The following REXO2 variants were observed in gnomAD, a reference collection of about 807,000 sequenced individuals.
The protein encoded by REXO2 is RNA exonuclease 2.
REXO2 carries 17 observed loss-of-function variants against 30.9 expected under a neutral mutation model. The ratio of observed to expected loss-of-function variants is 0.55; its 90% CI spans 0.38 to 0.82. The LOEUF (loss-of-function observed/expected upper bound fraction) is 0.82. Ranked by LOEUF, REXO2 falls within the 40% of genes least tolerant of loss-of-function variation. The pLI is 0.00. For missense variants in REXO2, 253 were observed against 293.2 expected, an observed-to-expected ratio of 0.86 and a Z score of 1.00; for synonymous variants, 105 against 99.6, an observed-to-expected ratio of 1.05 and a Z score of -0.32.
At chr11:114,444,003 T>C in intron 3 of REXO2, 70 bp downstream of exon 3, 1 of 1,016,816 alleles carries the variant, frequency 9.8e-7, no homozygotes, top group South Asian at 1.4e-5. Flanking sequence ...CACACCTGAA[T>C]CCGATACCAT....
chr11:114,443,929 G>A lies in REXO2; in HGVS notation c.305G>A (p.Gly102Glu). 1 of 1,604,462 alleles carries A rather than the reference G, an allele frequency of 6.2e-7. No individual in the cohort carries two copies. ...TCAGATTGGTGTAAGGAGCATCACG[G>A]GAAGGTAACATTACCAAATAACAGG... ...SMSDWCKEHH[G>E]KSGLTKAVKE... Residue 102 changes from glycine (G) to glutamate (E), a missense_variant, in exon 3 of 7, where the codon GGG (glycine) becomes GAG (glutamate). Physicochemically the swap from Gly to Glu is moderately conservative, Grantham distance 98 (BLOSUM62 -2). Transcript: ENST00000265881.
intron 2 of REXO2, 80 bp from the exon 3 acceptor site, chr11:114,443,776 T>G (rs762762984): frequency 2.1e-5 from 22 of 1,039,012 alleles, no homozygotes; most frequent in Non-Finnish European, 3.2e-5. Context: ...ATTTAGTCCT[T>G]AAAACAGCTT....
At chr11:114,440,298 A>C (rs935362589) in intron 1 of REXO2, among the ~76,000 whole-genome samples, 1 of 152,194 alleles carries the variant, frequency 6.6e-6, no homozygotes, top group Non-Finnish European at 1.5e-5. Flanking sequence ...TAGATTGTGA[A>C]GGTCCAGTGG....
chr11:114,446,223 T>C (rs1263013141), intron 5 of REXO2, 136 bp downstream of exon 5: 2 of 537,300 alleles, frequency 3.7e-6, no homozygotes, highest in Non-Finnish European at 6.6e-6. Flanking sequence ...CCATTCTTGC[T>C]TGTATAGGAC....
chr11:114,441,902 A>G, intron 2 of REXO2: 1 of 596,610 alleles, frequency 1.7e-6, no homozygotes. Flanking sequence ...TGAGTTTTAG[A>G]TTTGGTTGTT....
chr11:114,448,705 C>A (rs1344457459), intron 6 of REXO2, among the ~76,000 whole-genome samples: 1 of 152,166 alleles, frequency 6.6e-6, no homozygotes, highest in African/African-American at 2.4e-5. Flanking sequence ...TGAGAAGCAG[C>A]CCATAATAAA....
rs1591211114 is a variant in REXO2, at chr11:114,443,946, A to G, written c.309+13A>G. The G allele has an allele frequency of 6.9e-6, 11 of 1,588,166 alleles. No individual in the cohort carries two copies. The highest frequency in any genetic ancestry group is 1.3e-5 in the African/African-American group (1 of 74,534). ...GCATCACGGGAAGGTAACATTACCA[A>G]ATAACAGGATTGCTGCTTTGGGGAT... On this transcript the variant is annotated intron_variant, in intron 3 of 6. Transcript: ENST00000265881.
rs539152554 is a variant in REXO2 at position 114,446,933 on chromosome 11, CTTTTTT to C, written c.530+864_530+869del. On this transcript the variant is annotated intron_variant, in intron 5 of 6. Coordinates refer to ENST00000265881, the MANE Select transcript of REXO2 (RefSeq NM_015523.4). ...AAGTGGTAGAAAGATAGAAAGGAGG[CTTTTTT>C]TTTTTTTTTTTTTTTTTGAGACGGA... Among the ~76,000 whole-genome samples the C allele has an allele frequency of 6.5e-4, 61 of 94,376 alleles. 1 individual carries two copies. The highest frequency in any genetic ancestry group is 2.4e-3 in the African/African-American group (55 of 23,070). 61.9% of individuals were successfully genotyped at this position (94,376 alleles called of 152,430 possible). A position where few individuals can be genotyped will look rare whatever the true frequency, so the allele number is the denominator to read the frequency against.
intron 2 of REXO2, among the ~76,000 whole-genome samples, chr11:114,441,485 C>T (rs1565270144): frequency 6.6e-6 from 1 of 152,202 alleles, no homozygotes; most frequent in African/African-American, 2.4e-5. Context: ...ACACCTGCTG[C>T]ATTTCAGCCA....
At chr11:114,448,419 G>C (rs1946524657) in intron 6 of REXO2, among the ~76,000 whole-genome samples, 1 of 152,174 alleles carries the variant, frequency 6.6e-6, no homozygotes. Flanking sequence ...AGGTTTAGCA[G>C]CTGGCTTCTA....
At position 114,443,846 on chromosome 11, in the gene REXO2, C is replaced by A. The variant is rs764928376; in HGVS notation, c.232-10C>A. On this transcript the variant is annotated splice_polypyrimidine_tract_variant and intron_variant, in intron 2 of 6. Coordinates refer to ENST00000265881, the MANE Select transcript of REXO2 (RefSeq NM_015523.4). ...GTTTCTTGGTGACTGATGGCGTTTC[C>A]CATCCACAGGGTCCTAACCTGATTA... The A allele has an allele frequency of 1.3e-6, 2 of 1,599,040 alleles. No individual in the cohort carries two copies. The highest frequency in any genetic ancestry group is 4.5e-5 in the East Asian group (2 of 44,710).
At chr11:114,441,572 T>C (rs753663923) in intron 2 of REXO2, among the ~76,000 whole-genome samples, 1 of 152,226 alleles carries the variant, frequency 6.6e-6, no homozygotes, top group Non-Finnish European at 1.5e-5. Context: ...TTCTGTTTTA[T>C]ACTGTCAGCA....
intron 1 of REXO2, 114 bp downstream of exon 1, chr11:114,439,789 T>A: frequency 7.6e-7 from 1 of 1,319,360 alleles, no homozygotes; most frequent in South Asian, 1.5e-5. Flanking sequence ...GTGTGGCAGG[T>A]GAGCGCGGCC....
chr11:114,439,845 G>A, intron 1 of REXO2, 170 bp downstream of exon 1: 1 of 754,010 alleles, frequency 1.3e-6, no homozygotes, highest in East Asian at 2.9e-5. Context: ...AGTCCTGCGG[G>A]TGTTGGGCGC....
Position 114,449,747 on chromosome 11 carries a change from T to C in REXO2, c.585-99T>C, listed in dbSNP as rs1413573389. On this transcript the variant is annotated intron_variant, in intron 6 of 6. Coordinates refer to ENST00000265881, the MANE Select transcript of REXO2 (RefSeq NM_015523.4). ...CTAGACAGTGACACTTACAGTAACA[T>C]CCATTGTTCTTAAGTCGTTTTTTAA... The C allele has an allele frequency of 3.4e-6, 4 of 1,173,056 alleles. No individual in the cohort carries two copies. The East Asian group carries it at 7.7e-5, about 23-fold the overall frequency. The allele number at this position is 1,173,056 out of a possible 1,614,324, so 72.7% of individuals were successfully genotyped here.
At chr11:114,443,290 T>C (rs1946491739) in intron 2 of REXO2, among the ~76,000 whole-genome samples, 1 of 151,284 alleles carries the variant, frequency 6.6e-6, no homozygotes, top group African/African-American at 2.4e-5. Flanking sequence ...TTTTTTTTTT[T>C]TTAATTTTGT....
Position 114,443,943 on chromosome 11 carries a change from C to T in REXO2, c.309+10C>T. The T allele has an allele frequency of 6.3e-7, 1 of 1,591,390 alleles. No individual in the cohort carries two copies. Reference sequence around the variant, plus strand: ...GGAGCATCACGGGAAGGTAACATTACCAAATAACAGGATTGCTGCTTTGGG... The same window carrying T: ...GGAGCATCACGGGAAGGTAACATTATCAAATAACAGGATTGCTGCTTTGGG... On this transcript the variant is annotated intron_variant, in intron 3 of 6. Coordinates refer to ENST00000265881, the MANE Select transcript of REXO2 (RefSeq NM_015523.4).
Position 114,439,543 on chromosome 11 carries a change from C to T in REXO2, c.15C>T (p.Ser5=). MLGG[S]LGSRLLRGVG... Reference sequence around the variant, plus strand: ...GGTCCCGGGTGATGCTAGGCGGCTCCCTGGGCTCCAGGCTGTTGCGGGGTG... The same window carrying T: ...GGTCCCGGGTGATGCTAGGCGGCTCTCTGGGCTCCAGGCTGTTGCGGGGTG... The change falls in exon 1 of 7, where the codon TCC becomes TCT. Residue 5 remains serine (S), a synonymous_variant. Transcript: ENST00000265881. 1.2e-6 allele frequency: 2 copies of T among 1,608,020 alleles called. No individual in the cohort carries two copies. Among genetic ancestry groups the T allele is most frequent in the Non-Finnish European group, 1.7e-6 (2 of 1,179,514 alleles).
intron 5 of REXO2, chr11:114,446,358 G>A (rs1185866114): frequency 3.4e-5 from 9 of 263,990 alleles, no homozygotes. Flanking sequence ...ATATTATGTG[G>A]AAGTCTTGTG....
Sources: gnomAD v4.1 joint callset for allele counts (sites outside exome capture counted in the v4.1 genomes callset) on GRCh38, gnomAD v4.1.1 for gene constraint, MANE v1.5 for transcripts, NCBI Gene and HGNC (gene_info 2026-07-23, HGNC 2026-07-21) for gene names.